Variants in OPN4 observed in about 807,000 individuals in gnomAD.
OPN4 encodes the protein melanopsin.
In OPN4, 43 loss-of-function variants were observed where a neutral mutation model predicts 49.5. That is an observed-to-expected ratio of 0.87 (90% CI 0.68 to 1.12). The LOEUF is 1.12. Ranked by LOEUF, OPN4 falls within the 50% of genes most tolerant of loss-of-function variation. OPN4 has a pLI of 0.00. For synonymous variants in OPN4, 263 were observed against 258.0 expected (o/e 1.02, Z -0.19); for missense variants, 657 against 643.9 (o/e 1.02, Z -0.22).
At position 86,654,627 on chromosome 10, in the gene OPN4, G is replaced by A. The variant is rs1412787741; in HGVS notation, c.-157G>A. On this transcript the variant is annotated 5_prime_UTR_variant, in exon 1 of 10. Transcript: ENST00000241891. ...ACCGCCAGCCCCAAGAGCAGCTCCA[G>A]GCTGGATCTGCGCCGGACACAGGAG... 2 of 1,035,456 alleles carry A rather than the reference G, an allele frequency of 1.9e-6. No individual in the cohort carries two copies. Among genetic ancestry groups the A allele is most frequent in the Middle Eastern group, 3.1e-4 (1 of 3,186 alleles). 64.1% of individuals were successfully genotyped at this position (1,035,456 alleles called of 1,614,324 possible).
chr10:86,656,169 G>A lies in OPN4; in HGVS notation c.159G>A (p.Trp53Ter), dbSNP rs532428236. 16 of 1,614,176 alleles carry A rather than the reference G, an allele frequency of 9.9e-6. No individual in the cohort carries two copies. The South Asian group carries it at 1.6e-4, about 17-fold the overall frequency. The change falls in exon 2 of 10, where the codon TGG (tryptophan) becomes TGA (stop). Residue 53 changes from tryptophan to a stop codon, truncating the protein, a stop_gained. Coordinates refer to ENST00000241891, the MANE Select transcript of OPN4 (RefSeq NM_033282.4). LOFTEE classifies it high-confidence loss of function. ...PSISPTAPGT[W>*]AAAWVPLPTV... ...TCTCTCCGCAGGCACCTGGGACTTG[G>A]GCTGCTGCCTGGGTCCCCCTCCCCA...
intron 2 of OPN4, chr10:86,657,283 A>C: frequency 1.3e-6 from 1 of 774,818 alleles, no homozygotes; most frequent in Non-Finnish European, 2.4e-6. Context: ...AGTGCTGTGC[A>C]CCGGAGCAAG....
At position 86,658,535 on chromosome 10, in the gene OPN4, T is replaced by A; in HGVS notation, c.476T>A (p.Ile159Asn). The part of the protein sequence containing the change: ...CGALFGISSM[I>N]TLTAIALDRY... ...GCTCTCTTTGGCATTTCCTCCATGA[T>A]CACCCTGACGGCCATCGCCCTGGAC... The change falls in exon 4 of 10, where the codon ATC becomes AAC. Residue 159 changes from isoleucine to asparagine, a missense_variant. Physicochemically the swap from Ile to Asn is moderately radical, Grantham distance 149 (BLOSUM62 -3). Transcript: ENST00000241891. The A allele has an allele frequency of 6.2e-7, 1 of 1,614,226 alleles. No homozygotes were observed. Among genetic ancestry groups the A allele is most frequent in the Non-Finnish European group, 8.5e-7 (1 of 1,180,046 alleles).
At position 86,656,187 on chromosome 10, in the gene OPN4, C is replaced by T; in HGVS notation, c.177C>T (p.Pro59=). 6.2e-7 allele frequency: 1 copy of T among 1,614,154 alleles called. No homozygotes were observed. Among genetic ancestry groups the T allele is most frequent in the Non-Finnish European group, 8.5e-7 (1 of 1,180,024 alleles). The change falls in exon 2 of 10, where the codon CCC becomes CCT. Residue 59 remains proline (P), a synonymous_variant. Coordinates refer to ENST00000241891, the MANE Select transcript of OPN4 (RefSeq NM_033282.4). ...GGACTTGGGCTGCTGCCTGGGTCCC[C>T]CTCCCCACGGTTGATGTTCCAGACC... is the stretch of plus-strand genomic sequence containing the variant. ...APGTWAAAWV[P]LPTVDVPDHA... is the part of the protein sequence containing the mutation.
At chr10:86,657,253 C>T in intron 2 of OPN4, 1 of 779,436 alleles carries the variant, frequency 1.3e-6, no homozygotes, top group Non-Finnish European at 2.4e-6. Context: ...TGCGTTGCCC[C>T]ACAGATGAGC....
chr10:86,656,292 C>A lies in OPN4; in HGVS notation c.282C>A (p.Thr94=), dbSNP rs755068377. The A allele has an allele frequency of 8.1e-6, 13 of 1,599,124 alleles. No homozygotes were observed. The East Asian group carries it at 2.9e-4, about 36-fold the overall frequency. ...TGGGCAACCTGACGGTCATCTATACCTTCTGCAGGTGCCTGGTTGGTGGTG... is the reference window on the plus strand; with the variant it reads ...TGGGCAACCTGACGGTCATCTATACATTCTGCAGGTGCCTGGTTGGTGGTG... ...GMLGNLTVIY[T]FCRSRSLRTP... The change falls in exon 2 of 10, where the codon ACC becomes ACA. Residue 94 remains threonine, a synonymous_variant. Coordinates refer to ENST00000241891, the MANE Select transcript of OPN4 (RefSeq NM_033282.4).
At chr10:86,658,712 G>A (rs767262831) in intron 4 of OPN4, 25 bp downstream of exon 4, 18 of 1,607,026 alleles carry the variant, frequency 1.1e-5, no homozygotes, top group East Asian at 2.2e-5. Flanking sequence ...GGAACTGGAA[G>A]GGGGGCAGAT....
Position 86,656,556 on chromosome 10 carries a change from G to C in OPN4, c.290+256G>C, listed in dbSNP as rs1438960110. Among the ~76,000 whole-genome samples the C allele has an allele frequency of 3.9e-5, 6 of 152,154 alleles. No homozygotes were observed. The East Asian group carries it at 1.2e-3, about 29-fold the overall frequency. ...CAGGTGCATCCTCTGTGGAGGGTGT[G>C]TGTGCCCAGAGTATGTGGGTCTCTG... On this transcript the variant is annotated intron_variant, in intron 2 of 9. Transcript: ENST00000241891.
chr10:86,658,706 C>T lies in OPN4; in HGVS notation c.628+19C>T. On this transcript the variant is annotated intron_variant, in intron 4 of 9. Coordinates refer to ENST00000241891, the MANE Select transcript of OPN4 (RefSeq NM_033282.4). ...GGCTGGAGTAAGTGGGCTGCTGGAACTGGAAGGGGGGCAGATGGGCTGGGA... is the reference window on the plus strand; with the variant it reads ...GGCTGGAGTAAGTGGGCTGCTGGAATTGGAAGGGGGGCAGATGGGCTGGGA... 1 of 1,608,368 alleles carries T rather than the reference C, an allele frequency of 6.2e-7. No homozygotes were observed.
At position 86,654,812 on chromosome 10, in the gene OPN4, C is replaced by T. The variant is rs2675703; in HGVS notation, c.29C>T (p.Pro10Leu). The T allele has an allele frequency of 0.12, 198,787 of 1,610,452 alleles. 13,482 individuals carry two copies. Among genetic ancestry groups the T allele is most frequent in the Middle Eastern group, 0.15 (885 of 6,030 alleles). The change falls in exon 1 of 10, where the codon CCG (proline) becomes CTG (leucine). Residue 10 changes from proline to leucine, a missense_variant. Physicochemically the swap from Pro to Leu is moderately conservative, Grantham distance 98. Transcript: ENST00000241891. MNPPSGPRVPPSPTQEPSCM... is the reference protein window; with the variant it reads MNPPSGPRVLPSPTQEPSCM... ...AACCCTCCTTCGGGGCCAAGAGTCC[C>T]GCCCAGCCCAACCCAAGAGCCCAGC...
At chr10:86,662,582 C>T (rs527496520) in intron 8 of OPN4, 150 bp downstream of exon 8, 2 of 730,134 alleles carry the variant, frequency 2.7e-6, no homozygotes, top group Non-Finnish European at 4.4e-6. Context: ...AGAGCCCCTC[C>T]CAACACCCCC....
chr10:86,659,550 G>T, intron 5 of OPN4, 82 bp downstream of exon 5: 2 of 1,523,140 alleles, frequency 1.3e-6, no homozygotes, highest in Non-Finnish European at 8.8e-7. Context: ...ACTCACACCT[G>T]CACCAGCCTA....
chr10:86,657,970 G>A (rs1379519708), intron 2 of OPN4, 62 bp from the exon 3 acceptor site: 5 of 1,564,980 alleles, frequency 3.2e-6, no homozygotes, highest in East Asian at 2.2e-5. Flanking sequence ...AGGGGTGCGG[G>A]AAGCTCTCCA....
At chr10:86,659,252 TG>T in intron 4 of OPN4, 44 bp from the exon 5 acceptor site, 1 of 1,503,536 alleles carries the variant, frequency 6.7e-7, no homozygotes, top group Non-Finnish European at 9.1e-7. Context: ...TAAGGAGCCG[TG>T]GTCAGTGCCG....
chr10:86,657,974 C>T, intron 2 of OPN4, 58 bp from the exon 3 acceptor site: 1 of 1,570,134 alleles, frequency 6.4e-7, no homozygotes. Context: ...GTGCGGGAAG[C>T]TCTCCATAGC....
intron 8 of OPN4, 121 bp downstream of exon 8, chr10:86,662,553 C>T (rs1323909108): frequency 1.5e-5 from 14 of 915,842 alleles, no homozygotes; most frequent in Middle Eastern, 3.3e-4. Flanking sequence ...ACACTGAGGA[C>T]GCTGGCACCC....
intron 8 of OPN4, 66 bp from the exon 9 acceptor site, chr10:86,663,593 G>C: frequency 1.4e-6 from 2 of 1,398,510 alleles, no homozygotes; most frequent in Non-Finnish European, 1.9e-6. Flanking sequence ...GCCTGGTGGG[G>C]TAAGGGCAGG....
At chr10:86,657,241 T>C (rs1467488515) in intron 2 of OPN4, 1 of 780,364 alleles carries the variant, frequency 1.3e-6, no homozygotes, top group Admixed American at 1.7e-5. Context: ...AGTTCACGGA[T>C]GTGCGTTGCC....
At chr10:86,660,424 C>T (rs1385745470) in intron 6 of OPN4, among the ~76,000 whole-genome samples, 1 of 152,228 alleles carries the variant, frequency 6.6e-6, no homozygotes, top group Non-Finnish European at 1.5e-5. Flanking sequence ...CTGAGAGCTG[C>T]CCTTCTAGCC....
Sources: allele counts gnomAD v4.1 joint callset (sites outside exome capture counted in the v4.1 genomes callset), GRCh38; gene constraint gnomAD v4.1.1; transcripts MANE v1.5; gene names NCBI Gene and HGNC (gene_info 2026-07-23, HGNC 2026-07-21).